The following SCHIP1 variants were observed in gnomAD, a reference collection of about 807,000 sequenced individuals.
The protein encoded by SCHIP1 is schwannomin interacting protein 1, also known as schwannomin-interacting protein 1.
A neutral mutation model predicts 29.7 loss-of-function variants in SCHIP1; 8 were observed. The observed-to-expected ratio is 0.27, with a 90% CI of 0.16 to 0.49. The LOEUF (loss-of-function observed/expected upper bound fraction) is 0.49, where lower values mean the gene tolerates loss of function less well. Ranked by LOEUF, SCHIP1 falls within the 20% of genes least tolerant of loss-of-function variation. The pLI is 0.99. For missense variants in SCHIP1, 193 were observed against 294.6 expected (o/e 0.66, Z 2.52); for synonymous variants, 76 against 94.9 (o/e 0.80, Z 1.16).
chr3:159,750,296 T>TATACACAC, the SCHIP1 span, among the ~76,000 whole-genome samples: 8 of 132,744 alleles, frequency 6.0e-5, no homozygotes, highest in African/African-American at 2.5e-4. Context: ...TATATATATA[T>TATACACAC]ACACACACAC....
chr3:159,841,646 AT>A (rs1464315366), intron 1 of SCHIP1, among the ~76,000 whole-genome samples: 2 of 152,196 alleles, frequency 1.3e-5, no homozygotes, highest in Non-Finnish European at 2.9e-5. Context: ...ACATAAAAGC[AT>A]TGTTTTTGTA....
the SCHIP1 span, among the ~76,000 whole-genome samples, chr3:159,525,262 T>C: frequency 2.0e-4 from 30 of 152,380 alleles, no homozygotes; most frequent in Non-Finnish European, 4.0e-4. Flanking sequence ...ATTTCTCATT[T>C]GTTTCTCATT....
the SCHIP1 span, among the ~76,000 whole-genome samples, chr3:159,401,598 A>T: frequency 1.0e-3 from 152 of 152,354 alleles, 2 homozygotes; most frequent in South Asian, 0.031. Context: ...TACTATAACC[A>T]GTACTTAAAT....
chr3:159,841,855 A>C lies in SCHIP1; in HGVS notation c.30+1641A>C, dbSNP rs549139170. Among the ~76,000 whole-genome samples, 16 of 152,342 alleles carry C rather than the reference A, an allele frequency of 1.1e-4. No individual in the cohort carries two copies. In the East Asian group the frequency reaches 2.9e-3, roughly 28 times the overall value. On this transcript the variant is annotated intron_variant, in intron 1 of 6. Coordinates refer to ENST00000445224, the Ensembl canonical transcript of SCHIP1. Reference sequence around the variant, plus strand: ...AAATTAAGTGTATTGGTTGGGTAATAATGGTCAATAGATTTTGCATCTGCA... The same window carrying C: ...AAATTAAGTGTATTGGTTGGGTAATCATGGTCAATAGATTTTGCATCTGCA...
the SCHIP1 span, among the ~76,000 whole-genome samples, chr3:159,536,769 T>C: frequency 1.3e-5 from 2 of 152,106 alleles, no homozygotes; most frequent in East Asian, 1.9e-4. Flanking sequence ...TGAGAACTAA[T>C]TGTTACATTT....
chr3:159,721,407 T>C, the SCHIP1 span: 1 of 152,326 alleles, frequency 6.6e-6, no homozygotes, highest in East Asian at 1.9e-4. Context: ...AGTAAGAAAG[T>C]CTGTTTTTGG....
At chr3:159,336,981 A>G in the SCHIP1 span, among the ~76,000 whole-genome samples, 1 of 152,192 alleles carries the variant, frequency 6.6e-6, no homozygotes, top group Non-Finnish European at 1.5e-5. Context: ...ATGAGCATGG[A>G]ATGTTCTTCC....
chr3:159,585,549 T>C, the SCHIP1 span, among the ~76,000 whole-genome samples: 4 of 152,182 alleles, frequency 2.6e-5, no homozygotes, highest in Non-Finnish European at 4.4e-5. Flanking sequence ...CCCTGTTTAA[T>C]TGTATTTTTG....
chr3:159,563,889 C>G, the SCHIP1 span, among the ~76,000 whole-genome samples: 1 of 152,104 alleles, frequency 6.6e-6, no homozygotes, highest in African/African-American at 2.4e-5. Flanking sequence ...TCTAAATGTC[C>G]TCTCACATAT....
chr3:159,645,389 G>A, the SCHIP1 span, among the ~76,000 whole-genome samples: 3 of 152,130 alleles, frequency 2.0e-5, no homozygotes, highest in Admixed American at 6.5e-5. Context: ...TGCAAGAACA[G>A]TGGGTAGAAT....
the SCHIP1 span, among the ~76,000 whole-genome samples, chr3:159,575,680 C>T: frequency 6.6e-6 from 1 of 152,160 alleles, no homozygotes; most frequent in African/African-American, 2.4e-5. Context: ...AGTGATCCTC[C>T]CACCTCAGCC....
At chr3:159,764,328 A>C in the SCHIP1 span, 2 of 1,292,636 alleles carry the variant, frequency 1.5e-6, no homozygotes, top group African/African-American at 1.5e-5. This position sits in a 1 kb window ranked among gnomAD's most constrained non-coding sequence, Gnocchi z 6.1. Flanking sequence ...TGGGGGACGC[A>C]CCTCTGACCC....
the SCHIP1 span, among the ~76,000 whole-genome samples, chr3:159,487,381 G>A: frequency 4.9e-4 from 74 of 152,080 alleles, no homozygotes; most frequent in African/African-American, 1.7e-3. Context: ...GTCTCCCTCA[G>A]GAGACAAACT....
the SCHIP1 span, among the ~76,000 whole-genome samples, chr3:159,772,213 C>T: frequency 2.6e-5 from 4 of 152,216 alleles, no homozygotes; most frequent in Admixed American, 1.3e-4. Context: ...TACAGTGGCA[C>T]AATCTCGACT....
At chr3:159,751,146 A>G in the SCHIP1 span, among the ~76,000 whole-genome samples, 1 of 152,254 alleles carries the variant, frequency 6.6e-6, no homozygotes, top group African/African-American at 2.4e-5. Flanking sequence ...AAAAGTACGT[A>G]TGCATTGTTG....
intron 5 of SCHIP1, among the ~76,000 whole-genome samples, chr3:159,889,903 T>C (rs894452355): frequency 6.6e-6 from 1 of 152,132 alleles, no homozygotes; most frequent in Non-Finnish European, 1.5e-5. Context: ...GAGACCATCC[T>C]GGCTAACATG....
At chr3:159,480,113 T>C in the SCHIP1 span, among the ~76,000 whole-genome samples, 2 of 152,280 alleles carry the variant, frequency 1.3e-5, no homozygotes, top group South Asian at 4.1e-4. Context: ...CTTTCCATCC[T>C]CAATATCCTT....
chr3:159,628,906 TAC>T, the SCHIP1 span, among the ~76,000 whole-genome samples: 7 of 151,906 alleles, frequency 4.6e-5, no homozygotes, highest in Admixed American at 3.9e-4. Flanking sequence ...CATAAAAACA[TAC>T]AGTTGGTGGA....
the SCHIP1 span, among the ~76,000 whole-genome samples, chr3:159,328,410 T>G: frequency 3.3e-5 from 5 of 152,112 alleles, no homozygotes; most frequent in Non-Finnish European, 7.3e-5. Context: ...AGCACACTGT[T>G]GTGGGAACTG....
Sources: gnomAD v4.1 joint callset for allele counts (sites outside exome capture counted in the v4.1 genomes callset) on GRCh38, gnomAD v4.1.1 for gene constraint, Gnocchi (gnomAD v3.1) non-coding constraint, MANE v1.5 for transcripts, NCBI Gene and HGNC (gene_info 2026-07-23, HGNC 2026-07-21) for gene names.